The following CCSAP variants were observed in gnomAD, a reference collection of about 807,000 sequenced individuals.
CCSAP encodes centriole, cilia and spindle associated protein, also known as centriole, cilia and spindle-associated protein.
A neutral mutation model predicts 25.9 loss-of-function variants in CCSAP; 17 were observed. That is an observed-to-expected ratio of 0.66 (90% CI 0.45 to 0.99). The LOEUF is 0.99. CCSAP is among the 50% of genes least tolerant of loss of function. The pLI is 0.00. For synonymous variants in CCSAP, 169 were observed against 157.1 expected (o/e 1.08, Z -0.57); for missense variants, 339 against 367.8 (o/e 0.92, Z 0.64).
intron 2 of CCSAP, among the ~76,000 whole-genome samples, chr1:229,335,365 C>T (rs1658173077): frequency 1.3e-5 from 2 of 152,002 alleles, no homozygotes; most frequent in African/African-American, 2.4e-5. Flanking sequence ...GTGCCAGCTT[C>T]GTCAGAAGGC....
At chr1:229,337,678 A>AAAATATATATATATATATATAT in intron 2 of CCSAP, among the ~76,000 whole-genome samples, 3 of 65,506 alleles carry the variant, frequency 4.6e-5, no homozygotes, top group African/African-American at 1.8e-4. Context: ...CTCAAAAAAA[A>AAAATATATATATATATATATAT]ATATATATAT....
intron 2 of CCSAP, among the ~76,000 whole-genome samples, chr1:229,333,379 G>C (rs1658124826): frequency 6.8e-6 from 1 of 147,098 alleles, no homozygotes; most frequent in African/African-American, 2.5e-5. Context: ...CTTGCAGTGA[G>C]CCGAGATCGC....
At chr1:229,327,591 C>T (rs566762930) in intron 2 of CCSAP, 50 of 455,842 alleles carry the variant, frequency 1.1e-4, no homozygotes, top group African/African-American at 6.8e-4. Context: ...GGGCCCCGGC[C>T]GGGTGCGGTG....
intron 2 of CCSAP, among the ~76,000 whole-genome samples, chr1:229,329,084 T>C (rs551912164): frequency 2.6e-5 from 4 of 152,164 alleles, no homozygotes; most frequent in Non-Finnish European, 5.9e-5. Flanking sequence ...AAAGAAGAGA[T>C]CATCAGGACC....
Position 229,326,791 on chromosome 1 carries a change from C to G in CCSAP, c.583G>C (p.Asp195His), listed in dbSNP as rs747189562. The G allele has an allele frequency of 3.1e-6, 5 of 1,614,228 alleles. No homozygotes were observed. The East Asian group carries it at 1.1e-4, about 36-fold the overall frequency. Residue 195 changes from aspartate (D) to histidine (H), a missense_variant, in exon 3 of 4, where the codon GAT becomes CAT. Physicochemically the swap from Asp to His is moderately conservative, Grantham distance 81. Transcript: ENST00000284617. ...ALYGWGEKQT[D>H]TGSQKTHNVC... is the part of the protein sequence containing the mutation. ...TTGTGAGTCTTCTGGCTTCCTGTAT[C>G]GGTCTGTTTTTCTCCCCAGCCATAA...
intron 2 of CCSAP, among the ~76,000 whole-genome samples, chr1:229,339,869 T>C (rs1658288261): frequency 6.6e-6 from 1 of 152,144 alleles, no homozygotes; most frequent in South Asian, 2.1e-4. Flanking sequence ...AGGACTGTAT[T>C]GTGCAGGTGT....
At chr1:229,335,668 T>C (rs1339892489) in intron 2 of CCSAP, among the ~76,000 whole-genome samples, 1 of 152,144 alleles carries the variant, frequency 6.6e-6, no homozygotes, top group Non-Finnish European at 1.5e-5. Flanking sequence ...TCCTTACAGG[T>C]CAGCTAGTGT....
intron 2 of CCSAP, among the ~76,000 whole-genome samples, chr1:229,334,980 CAG>C (rs1479993295): frequency 6.6e-6 from 1 of 152,048 alleles, no homozygotes; most frequent in East Asian, 1.9e-4. Flanking sequence ...TCCTAACTGC[CAG>C]AGGGGAAAGG....
chr1:229,341,193 C>CAAAAAAAAAAAAAAAAAAAA lies in CCSAP; in HGVS notation c.367+905_367+906insTTTTTTTTTTTTTTTTTTTT, dbSNP rs71561730. Reference sequence around the variant, plus strand: ...TGGGCCACAGAGCGAGACTCCGTCTCAAAAAAAAAAAAAAAAAAAGATTAC... The same window carrying CAAAAAAAAAAAAAAAAAAAA: ...TGGGCCACAGAGCGAGACTCCGTCTCAAAAAAAAAAAAAAAAAAAAAAAAAAAAAAAAAAAAAAAGATTAC... On this transcript the variant is annotated intron_variant, in intron 2 of 3. Transcript: ENST00000284617. Among the ~76,000 whole-genome samples the CAAAAAAAAAAAAAAAAAAAA allele has an allele frequency of 3.1e-4, 28 of 91,106 alleles. 1 individual carries two copies. The highest frequency in any genetic ancestry group is 1.3e-3 in the African/African-American group (27 of 20,790). The allele number at this position is 91,106 out of a possible 152,430, so 59.8% of individuals were successfully genotyped here. A position where few individuals can be genotyped will look rare whatever the true frequency, so the allele number is the denominator to read the frequency against.
At chr1:229,337,433 AATAAAGGCATTTTCAG>A (rs1208855844) in intron 2 of CCSAP, among the ~76,000 whole-genome samples, 8 of 151,838 alleles carry the variant, frequency 5.3e-5, no homozygotes, top group African/African-American at 1.7e-4. Flanking sequence ...TCCTGGATAT[AATAAAGGCATTTTCAG>A]ATATGCAAGG....
Position 229,325,470 on chromosome 1 carries a change from C to T in CCSAP, c.637-59G>A. 8 of 1,522,934 alleles carry T rather than the reference C, an allele frequency of 5.3e-6. No homozygotes were observed. The South Asian group carries it at 8.8e-5, about 17-fold the overall frequency. The allele number at this position is 1,522,934 out of a possible 1,614,324, so 94.3% of individuals were successfully genotyped here. Reference sequence around the variant, plus strand: ...AAGGGGCTATTATACTAATGTTCAACAGAGGTTGCAATGAAGCTGGCTACT... The same window carrying T: ...AAGGGGCTATTATACTAATGTTCAATAGAGGTTGCAATGAAGCTGGCTACT... On this transcript the variant is annotated intron_variant, in intron 3 of 3. Transcript: ENST00000284617.
intron 2 of CCSAP, among the ~76,000 whole-genome samples, chr1:229,330,336 AGATGGCATGGAGAT>A (rs139739720): frequency 0.018 from 2,785 of 152,316 alleles, 38 homozygotes; most frequent in Non-Finnish European, 0.03. Context: ...TCAGGAGAGA[AGATGGCATGGAGAT>A]GAAAGCCACG....
intron 2 of CCSAP, among the ~76,000 whole-genome samples, chr1:229,335,253 A>G (rs1658169764): frequency 6.6e-6 from 1 of 152,184 alleles, no homozygotes; most frequent in Admixed American, 6.5e-5. Context: ...CAGGAGGTCA[A>G]TGCTACAGAG....
At chr1:229,327,602 G>A (rs1026460931) in intron 2 of CCSAP, 1 of 455,698 alleles carries the variant, frequency 2.2e-6, no homozygotes, top group South Asian at 1.5e-5. Flanking sequence ...GGGTGCGGTG[G>A]CTCACACCTG....
At chr1:229,340,396 C>T (rs1658303510) in intron 2 of CCSAP, 3 of 716,576 alleles carry the variant, frequency 4.2e-6, no homozygotes, top group South Asian at 1.5e-5. Context: ...GAACTCAGAG[C>T]TTACCTGAGC....
At chr1:229,335,250 T>G (rs1175573325) in intron 2 of CCSAP, among the ~76,000 whole-genome samples, 1 of 151,584 alleles carries the variant, frequency 6.6e-6, no homozygotes, top group Non-Finnish European at 1.5e-5. Context: ...ACCCAGGAGG[T>G]CAATGCTACA....
Position 229,325,164 on chromosome 1 carries a change from A to G in CCSAP, c.*71T>C. 1 of 1,425,038 alleles carries G rather than the reference A, an allele frequency of 7.0e-7. No individual in the cohort carries two copies. Among genetic ancestry groups the G allele is most frequent in the Non-Finnish European group, 9.4e-7 (1 of 1,059,000 alleles). 88.3% of individuals were successfully genotyped at this position (1,425,038 alleles called of 1,614,324 possible). On this transcript the variant is annotated 3_prime_UTR_variant, in exon 4 of 4. Transcript: ENST00000284617. ...CTTAAACCTGTGTCCGTTTCTTTTG[A>G]TGGTTTTTGTTTTGTTTTTCCTTTC...
At chr1:229,340,462 T>G (rs199864876) in intron 2 of CCSAP, 82 of 715,082 alleles carry the variant, frequency 1.1e-4, no homozygotes, top group Non-Finnish European at 1.6e-4. Flanking sequence ...GTATTTATAT[T>G]GCATGCAAAT....
intron 2 of CCSAP, among the ~76,000 whole-genome samples, chr1:229,333,729 A>C (rs1658135564): frequency 1.3e-5 from 2 of 151,818 alleles, no homozygotes; most frequent in Non-Finnish European, 2.9e-5. Flanking sequence ...AAAATACAAA[A>C]AATTAGCCAG....
Sources: gnomAD v4.1 joint callset for allele counts (sites outside exome capture counted in the v4.1 genomes callset) on GRCh38, gnomAD v4.1.1 for gene constraint, MANE v1.5 for transcripts, NCBI Gene and HGNC (gene_info 2026-07-23, HGNC 2026-07-21) for gene names.